The following GABRB3 variants were observed in gnomAD, a reference collection of about 807,000 sequenced individuals.
The protein encoded by GABRB3 is gamma-aminobutyric acid type A receptor subunit beta3.
GABRB3 carries 14 observed loss-of-function variants against 52.1 expected under a neutral mutation model. That is an observed-to-expected ratio of 0.27 (90% CI 0.18 to 0.42). The LOEUF (loss-of-function observed/expected upper bound fraction) is 0.42, where lower values mean the gene tolerates loss of function less well. Among genes scored for constraint, GABRB3 ranks in the 10% least tolerant of loss-of-function variants. The pLI is 1.00. For missense variants in GABRB3, 307 were observed against 609.1 expected, an observed-to-expected ratio of 0.50 and a Z score of 5.22; for synonymous variants, 260 against 232.3, an observed-to-expected ratio of 1.12 and a Z score of -1.08.
intron 4 of GABRB3, among the ~76,000 whole-genome samples, chr15:26,619,497 T>A (rs1449742516): frequency 2.3e-5 from 3 of 128,616 alleles, no homozygotes; most frequent in Non-Finnish European, 3.1e-5. Context: ...GAAGGGGAAC[T>A]TCACACTCTG....
intron 3 of GABRB3, among the ~76,000 whole-genome samples, chr15:26,673,761 C>A (rs1446640116): frequency 6.6e-6 from 1 of 152,172 alleles, no homozygotes; most frequent in Non-Finnish European, 1.5e-5. Context: ...ACGCATAAAT[C>A]TAGAAATGCA....
intron 3 of GABRB3, among the ~76,000 whole-genome samples, chr15:26,722,366 C>T (rs36053947): frequency 0.39 from 59,444 of 151,972 alleles, 11,798 homozygotes; most frequent in African/African-American, 0.43. Flanking sequence ...GAATGCAGGA[C>T]TAAAACATTT....
At chr15:26,649,695 T>TGTGTGTGTGTGA (rs1277727985) in intron 3 of GABRB3, among the ~76,000 whole-genome samples, 3 of 149,070 alleles carry the variant, frequency 2.0e-5, no homozygotes, top group African/African-American at 7.5e-5. Context: ...TGTGTGTGTG[T>TGTGTGTGTGTGA]GAAATTAGAG....
chr15:26,727,752 A>G (rs1171530480), intron 3 of GABRB3, among the ~76,000 whole-genome samples: 2 of 152,236 alleles, frequency 1.3e-5, no homozygotes, highest in Non-Finnish European at 2.9e-5. Context: ...CTCTCTCTGC[A>G]TATATATCAT....
At chr15:26,582,541 T>TG (rs1239497775) in intron 5 of GABRB3, among the ~76,000 whole-genome samples, 2 of 152,098 alleles carry the variant, frequency 1.3e-5, no homozygotes, top group African/African-American at 4.8e-5. Flanking sequence ...TGATGTAGGG[T>TG]GGAAGTGAGG....
At position 26,659,958 on chromosome 15, in the gene GABRB3, G is replaced by A. The variant is rs184847637; in HGVS notation, c.241-38424C>T. Among the ~76,000 whole-genome samples the A allele has an allele frequency of 4.7e-3, 720 of 152,266 alleles. 5 individuals are homozygous for A. The highest frequency in any genetic ancestry group is 0.017 in the African/African-American group (688 of 41,560). On this transcript the variant is annotated intron_variant, in intron 3 of 8. Transcript: ENST00000311550. ...ATCAGAAGGGAAAATGAGGCTGGGC[G>A]TGGTGGTTCACACCCGCAATCCCAG...
rs141784665 is a variant in GABRB3, at chr15:26,711,427, G to C, written c.240+60975C>G. On this transcript the variant is annotated intron_variant, in intron 3 of 8. Transcript: ENST00000311550. ...TGTGGATCTCACATATTACAGCTTC[G>C]TGACGGATGTGGCATATTCTAAATC... is the stretch of plus-strand genomic sequence containing the variant. Among the ~76,000 whole-genome samples, 53 of 151,364 alleles carry C rather than the reference G, an allele frequency of 3.5e-4. 1 individual carries two copies. The South Asian group carries it at 5.9e-3, about 17-fold the overall frequency.
rs543956063 is a variant in GABRB3, at chr15:26,546,845, T to C, written c.*948A>G. 3 of 151,380 alleles carry C rather than the reference T, an allele frequency of 2.0e-5. No individual in the cohort carries two copies. Among genetic ancestry groups the C allele is most frequent in the African/African-American group, 7.3e-5 (3 of 41,210 alleles). 9.4% of individuals were successfully genotyped at this position (151,380 alleles called of 1,614,324 possible). On this transcript the variant is annotated 3_prime_UTR_variant, in exon 9 of 9. Coordinates refer to ENST00000311550, the MANE Select transcript of GABRB3 (RefSeq NM_000814.6). ...GATAACATAACTGCAAGGGGGAAAA[T>C]CATCCTAGATGGTTTTACCTTAGAG...
chr15:26,722,838 C>A (rs1040770588), intron 3 of GABRB3, among the ~76,000 whole-genome samples: 1 of 152,164 alleles, frequency 6.6e-6, no homozygotes, highest in Non-Finnish European at 1.5e-5. Context: ...CGTGCCATAG[C>A]CAAGCCCTGC....
chr15:26,592,630 A>T lies in GABRB3; in HGVS notation c.462-9216T>A, dbSNP rs117841309. Among the ~76,000 whole-genome samples the T allele has an allele frequency of 1.8e-3, 281 of 152,326 alleles. 6 individuals carry two copies. The East Asian group carries it at 0.036, about 20-fold the overall frequency. ...GCAAGAAATCCTAGCCACAAATGCCAAATTGAAATCTGTACTGAAGGCAAG... is the reference window on the plus strand; with the variant it reads ...GCAAGAAATCCTAGCCACAAATGCCTAATTGAAATCTGTACTGAAGGCAAG... On this transcript the variant is annotated intron_variant, in intron 4 of 8. Coordinates refer to ENST00000311550, the MANE Select transcript of GABRB3 (RefSeq NM_000814.6).
intron 3 of GABRB3, chr15:26,642,667 A>G (rs754186): frequency 0.6 from 223,797 of 375,180 alleles, 70,600 homozygotes; most frequent in East Asian, 0.86. Flanking sequence ...ACCCCCCCGC[A>G]CACACACACC....
At chr15:26,644,609 A>C (rs1893299517) in intron 3 of GABRB3, among the ~76,000 whole-genome samples, 1 of 152,206 alleles carries the variant, frequency 6.6e-6, no homozygotes, top group South Asian at 2.1e-4. Context: ...CAGCCTCCGG[A>C]ACTGTGAGGG....
intron 3 of GABRB3, among the ~76,000 whole-genome samples, chr15:26,725,597 GA>G (rs936465142): frequency 2.0e-5 from 3 of 152,132 alleles, no homozygotes; most frequent in Admixed American, 6.5e-5. Flanking sequence ...TCAAACTTTT[GA>G]AAATGTTGCA....
chr15:26,631,515 G>C (rs1892912237), intron 3 of GABRB3, among the ~76,000 whole-genome samples: 2 of 152,134 alleles, frequency 1.3e-5, no homozygotes, highest in Admixed American at 1.3e-4. Context: ...AAAACCACAG[G>C]ACACCTGCAT....
chr15:26,760,986 T>C (rs1483895064), intron 3 of GABRB3, among the ~76,000 whole-genome samples: 1 of 152,180 alleles, frequency 6.6e-6, no homozygotes, highest in East Asian at 1.9e-4. Flanking sequence ...AGGTGGTTAA[T>C]CAATATTGTC....
At chr15:26,726,791 T>A (rs1206670185) in intron 3 of GABRB3, among the ~76,000 whole-genome samples, 2 of 152,168 alleles carry the variant, frequency 1.3e-5, no homozygotes. Flanking sequence ...AAAGTCACTG[T>A]TTTGCTTTTC....
At chr15:26,559,006 G>A (rs1479944219) in intron 8 of GABRB3, among the ~76,000 whole-genome samples, 3 of 152,162 alleles carry the variant, frequency 2.0e-5, no homozygotes, top group African/African-American at 7.2e-5. Context: ...AAGGTAAAGG[G>A]GGAGCAGGCA....
At chr15:26,748,971 G>C (rs1334490806) in intron 3 of GABRB3, among the ~76,000 whole-genome samples, 1 of 152,010 alleles carries the variant, frequency 6.6e-6, no homozygotes, top group East Asian at 1.9e-4. Flanking sequence ...GGGTGAATGA[G>C]CGGAGACAGC....
intron 8 of GABRB3, among the ~76,000 whole-genome samples, chr15:26,553,139 T>C (rs964512290): frequency 6.6e-6 from 1 of 152,182 alleles, no homozygotes; most frequent in Admixed American, 6.5e-5. Flanking sequence ...AAGATGCTTA[T>C]AGGTGTTTTT....
Sources: gnomAD v4.1 joint callset for allele counts (sites outside exome capture counted in the v4.1 genomes callset) on GRCh38, gnomAD v4.1.1 for gene constraint, MANE v1.5 for transcripts, NCBI Gene and HGNC (gene_info 2026-07-23, HGNC 2026-07-21) for gene names.